NRXN1: variants seen among roughly 807,000 people sequenced by gnomAD.
NRXN1 encodes neurexin-1.
A neutral mutation model predicts 150.9 loss-of-function variants in NRXN1; 39 were observed. That is an observed-to-expected ratio of 0.26 (90% CI 0.20 to 0.34). The LOEUF is 0.34. Among genes scored for constraint, NRXN1 ranks in the 10% least tolerant of loss-of-function variants. NRXN1 has a pLI of 1.00. For synonymous variants in NRXN1, 924 were observed against 757.0 expected (o/e 1.22, Z -3.62); for missense variants, 1,815 against 1,949.9 (o/e 0.93, Z 1.30).
Position 51,026,458 on chromosome 2 carries a change from C to G in NRXN1, c.772+1044G>C, listed in dbSNP as rs756504254. On this transcript the variant is annotated intron_variant, in intron 2 of 22. Coordinates refer to ENST00000401669, the MANE Select transcript of NRXN1 (RefSeq NM_001330078.2). ...AGCACCGGCAAAACACACTGAAGACCGAATTTTATTTCTAAAGAGGAGAAA... is the reference window on the plus strand; with the variant it reads ...AGCACCGGCAAAACACACTGAAGACGGAATTTTATTTCTAAAGAGGAGAAA... The G allele has an allele frequency of 6.3e-7, 1 of 1,599,510 alleles. No homozygotes were observed. Among genetic ancestry groups the G allele is most frequent in the Non-Finnish European group, 8.5e-7 (1 of 1,171,176 alleles).
At chr2:50,264,150 A>G (rs941600653) in intron 17 of NRXN1, among the ~76,000 whole-genome samples, 1 of 152,198 alleles carries the variant, frequency 6.6e-6, no homozygotes. Context: ...ATACGGCAGT[A>G]AGATAAACAT....
At chr2:50,529,728 T>G (rs1346555990) in intron 11 of NRXN1, among the ~76,000 whole-genome samples, 3 of 152,204 alleles carry the variant, frequency 2.0e-5, no homozygotes, top group African/African-American at 7.2e-5. Context: ...CATGAGTGTT[T>G]CCACTTTGAC....
intron 18 of NRXN1, among the ~76,000 whole-genome samples, chr2:50,200,295 C>T (rs764662083): frequency 1.4e-4 from 22 of 152,250 alleles, no homozygotes; most frequent in Middle Eastern, 3.4e-3. Context: ...TACCTGCAAA[C>T]TTAGTATCAT....
At position 50,495,897 on chromosome 2, in the gene NRXN1, G is replaced by T; in HGVS notation, c.3070+8C>A. On this transcript the variant is annotated splice_region_variant and intron_variant, in intron 15 of 22. Coordinates refer to ENST00000401669, the MANE Select transcript of NRXN1 (RefSeq NM_001330078.2). Reference sequence around the variant, plus strand: ...AAGGCTCGTTGCTCTGACTTAACATGCACTTACTCTTGAGGTCTAAGTTCC... The same window carrying T: ...AAGGCTCGTTGCTCTGACTTAACATTCACTTACTCTTGAGGTCTAAGTTCC... 1.3e-6 allele frequency: 2 copies of T among 1,582,858 alleles called. No homozygotes were observed. The highest frequency in any genetic ancestry group is 1.7e-6 in the Non-Finnish European group (2 of 1,163,904).
At chr2:50,376,907 C>T (rs550869869) in intron 17 of NRXN1, among the ~76,000 whole-genome samples, 195 of 152,014 alleles carry the variant, frequency 1.3e-3, no homozygotes, top group African/African-American at 4.4e-3. Context: ...GTCACATCAC[C>T]GCTCTGCGCT....
At chr2:50,140,367 C>T (rs1001442873) in intron 18 of NRXN1, among the ~76,000 whole-genome samples, 1 of 152,062 alleles carries the variant, frequency 6.6e-6, no homozygotes, top group Admixed American at 6.6e-5. Context: ...CTCTTCTTAT[C>T]ACCGAAATCT....
intron 21 of NRXN1, among the ~76,000 whole-genome samples, chr2:50,009,852 G>C (rs1267375594): frequency 6.6e-6 from 1 of 152,020 alleles, no homozygotes; most frequent in Non-Finnish European, 1.5e-5. Flanking sequence ...AATTACATTT[G>C]CATAACTACT....
intron 5 of NRXN1, among the ~76,000 whole-genome samples, chr2:50,697,418 T>C (rs1168597093): frequency 2.0e-5 from 3 of 152,218 alleles, no homozygotes; most frequent in East Asian, 3.9e-4. Flanking sequence ...TGGAGCATCT[T>C]TCAAAGTGAA....
intron 17 of NRXN1, among the ~76,000 whole-genome samples, chr2:50,373,636 A>AAGAG (rs2080216722): frequency 1.1e-5 from 1 of 89,960 alleles, no homozygotes; most frequent in Non-Finnish European, 2.4e-5. Flanking sequence ...AAAAGAAAGA[A>AAGAG]AGAAAGAAAG....
chr2:50,961,631 A>C (rs1403933974), intron 2 of NRXN1, among the ~76,000 whole-genome samples: 1 of 151,850 alleles, frequency 6.6e-6, no homozygotes, highest in Non-Finnish European at 1.5e-5. Flanking sequence ...CATTTGAATT[A>C]AGCTAAGCTA....
intron 5 of NRXN1, among the ~76,000 whole-genome samples, chr2:50,780,429 C>T (rs1016250372): frequency 1.3e-5 from 2 of 152,024 alleles, no homozygotes; most frequent in Admixed American, 1.3e-4. Context: ...ATATGTTGCC[C>T]ATCAGTTTAT....
intron 17 of NRXN1, among the ~76,000 whole-genome samples, chr2:50,263,157 T>TACACAC (rs58442373): frequency 1.3e-3 from 191 of 147,342 alleles, no homozygotes; most frequent in South Asian, 6.3e-3. Context: ...AAAACACACA[T>TACACAC]ACACACACAC....
At chr2:50,443,106 C>A (rs757277580) in intron 17 of NRXN1, among the ~76,000 whole-genome samples, 3 of 151,690 alleles carry the variant, frequency 2.0e-5, no homozygotes, top group Non-Finnish European at 4.4e-5. Flanking sequence ...GAAGGAAAAC[C>A]AAGAAAAAGC....
intron 21 of NRXN1, among the ~76,000 whole-genome samples, chr2:50,000,160 CT>C (rs1683664313): frequency 6.6e-6 from 1 of 152,122 alleles, no homozygotes; most frequent in Non-Finnish European, 1.5e-5. Flanking sequence ...AAAATCCTCA[CT>C]AAAAGTGCAA....
intron 5 of NRXN1, among the ~76,000 whole-genome samples, chr2:50,891,869 T>C (rs1681115059): frequency 6.6e-6 from 1 of 152,044 alleles, no homozygotes; most frequent in Admixed American, 6.6e-5. Context: ...TCATCACCCA[T>C]CCATTCATTA....
chr2:50,371,662 C>T (rs925202869), intron 17 of NRXN1, among the ~76,000 whole-genome samples: 2 of 151,986 alleles, frequency 1.3e-5, no homozygotes, highest in Non-Finnish European at 2.9e-5. Context: ...TGTGTGTGCA[C>T]AGCTGTGCAT....
At chr2:49,965,132 G>C (rs1250964559) in intron 21 of NRXN1, among the ~76,000 whole-genome samples, 1 of 151,886 alleles carries the variant, frequency 6.6e-6, no homozygotes, top group Non-Finnish European at 1.5e-5. Context: ...CACCTGCCTT[G>C]GCCTCCCAAA....
At chr2:50,680,468 T>TA (rs1169482459) in intron 5 of NRXN1, among the ~76,000 whole-genome samples, 12 of 152,142 alleles carry the variant, frequency 7.9e-5, no homozygotes, top group Admixed American at 2.0e-4. Context: ...GGACTATAGA[T>TA]ATAGGTAAAA....
chr2:50,828,283 C>A (rs1188635807), intron 5 of NRXN1, among the ~76,000 whole-genome samples: 2 of 133,950 alleles, frequency 1.5e-5, no homozygotes, highest in Admixed American at 7.3e-5. Context: ...TGACCCCCCC[C>A]ACCTCCCTCC....
Sources: gnomAD v4.1 joint callset for allele counts (sites outside exome capture counted in the v4.1 genomes callset) on GRCh38, gnomAD v4.1.1 for gene constraint, MANE v1.5 for transcripts, NCBI Gene and HGNC (gene_info 2026-07-23, HGNC 2026-07-21) for gene names.